The following TRPM3 variants were observed in gnomAD, a reference collection of about 807,000 sequenced individuals.
TRPM3 encodes transient receptor potential cation channel subfamily M member 3, also known as long transient receptor potential channel 3.
A neutral mutation model predicts 181.2 loss-of-function variants in TRPM3; 77 were observed. That is an observed-to-expected ratio of 0.42 (90% CI 0.35 to 0.51). The LOEUF (loss-of-function observed/expected upper bound fraction) is 0.51, where lower values mean the gene tolerates loss of function less well. Among genes scored for constraint, TRPM3 ranks in the 20% least tolerant of loss-of-function variants. TRPM3 has a pLI of 0.01. For missense variants in TRPM3, 1,759 were observed against 2,196.7 expected, an observed-to-expected ratio of 0.80 and a Z score of 3.98; for synonymous variants, 745 against 796.4, an observed-to-expected ratio of 0.94 and a Z score of 1.09.
chr9:70,789,323 A>C (rs917667428), intron 6 of TRPM3, among the ~76,000 whole-genome samples: 29 of 152,210 alleles, frequency 1.9e-4, no homozygotes, highest in African/African-American at 7.0e-4. Context: ...ATGCTCATAA[A>C]GAAACTGATG....
At chr9:70,662,837 C>T (rs1196117756) in intron 9 of TRPM3, among the ~76,000 whole-genome samples, 1 of 152,052 alleles carries the variant, frequency 6.6e-6, no homozygotes, top group Non-Finnish European at 1.5e-5. Context: ...TATGTGGATT[C>T]CTTAAAGAAC....
intron 1 of TRPM3, among the ~76,000 whole-genome samples, chr9:71,073,814 A>T (rs1163174862): frequency 6.6e-6 from 1 of 152,226 alleles, no homozygotes; most frequent in African/African-American, 2.4e-5. Context: ...AATGTCAAGA[A>T]AAGAATGCTG....
chr9:71,265,925 T>A (rs2083365102), intron 1 of TRPM3, among the ~76,000 whole-genome samples: 1 of 152,226 alleles, frequency 6.6e-6, no homozygotes, highest in Non-Finnish European at 1.5e-5. Context: ...ATCAATGACA[T>A]CACATTCTGA....
intron 1 of TRPM3, among the ~76,000 whole-genome samples, chr9:71,212,728 G>A (rs1049216547): frequency 9.9e-5 from 15 of 152,156 alleles, no homozygotes; most frequent in African/African-American, 3.6e-4. Context: ...GTAATTGTCA[G>A]CGGAAGATTT....
chr9:71,437,488 C>A (rs935129166), intron 1 of TRPM3, among the ~76,000 whole-genome samples: 2 of 152,052 alleles, frequency 1.3e-5, no homozygotes, highest in African/African-American at 4.8e-5. Context: ...ACAGCCATGA[C>A]CATTTATTTA....
rs1588754344 is a variant in TRPM3, at chr9:71,381,381, T to A, written c.183+65272A>T. On this transcript the variant is annotated intron_variant, in intron 1 of 24. Coordinates refer to the TRPM3 transcript ENST00000357533. ...TATCACTGGGGACCAACTAGTCTAA[T>A]GGGAAATAAGATTCCCTAAGTAGGG... Among the ~76,000 whole-genome samples the A allele has an allele frequency of 2.0e-5, 3 of 152,232 alleles. No homozygotes were observed. The South Asian group carries it at 6.2e-4, about 32-fold the overall frequency.
intron 1 of TRPM3, among the ~76,000 whole-genome samples, chr9:71,224,772 C>T (rs1162057469): frequency 1.3e-5 from 2 of 151,538 alleles, no homozygotes; most frequent in Non-Finnish European, 2.9e-5. Context: ...GAGCAAGACC[C>T]TGTCTCTAAA....
intron 1 of TRPM3, among the ~76,000 whole-genome samples, chr9:71,221,367 A>G (rs998128902): frequency 1.3e-5 from 2 of 152,264 alleles, no homozygotes; most frequent in African/African-American, 4.8e-5. Flanking sequence ...GTTATGAAAT[A>G]TATGCATCAC....
At chr9:70,890,571 T>C (rs977741337) in intron 1 of TRPM3, among the ~76,000 whole-genome samples, 4 of 152,056 alleles carry the variant, frequency 2.6e-5, no homozygotes, top group African/African-American at 4.8e-5. Flanking sequence ...TTCTACAGGC[T>C]TCCAGACAGA....
intron 1 of TRPM3, among the ~76,000 whole-genome samples, chr9:70,888,647 C>T (rs1451992959): frequency 1.3e-5 from 2 of 152,064 alleles, no homozygotes; most frequent in Non-Finnish European, 2.9e-5. Context: ...GTATCATATC[C>T]TCTTCCTGAG....
chr9:70,860,049 G>T (rs966916103), intron 3 of TRPM3, among the ~76,000 whole-genome samples: 2 of 152,074 alleles, frequency 1.3e-5, no homozygotes, highest in Non-Finnish European at 2.9e-5. Flanking sequence ...ACACATCTTT[G>T]GACTCCTGGG....
chr9:70,746,054 G>A lies in TRPM3; in HGVS notation c.1272+15547C>T, dbSNP rs568435907. On this transcript the variant is annotated intron_variant, in intron 8 of 25. Transcript: ENST00000677713. ...GTGCCAACATTCTTTACACATCAGA[G>A]TTAAATACTTAGCTCTCCCAGCAAC... Among the ~76,000 whole-genome samples the A allele has an allele frequency of 2.0e-5, 3 of 152,268 alleles. No individual in the cohort carries two copies. The South Asian group carries it at 6.2e-4, about 32-fold the overall frequency.
At chr9:71,077,132 A>C (rs536960269) in intron 1 of TRPM3, among the ~76,000 whole-genome samples, 6 of 152,296 alleles carry the variant, frequency 3.9e-5, no homozygotes, top group African/African-American at 1.4e-4. Context: ...CAACCAAATA[A>C]ATTCATACAC....
At chr9:70,776,876 A>G (rs975948031) in intron 7 of TRPM3, among the ~76,000 whole-genome samples, 6 of 152,204 alleles carry the variant, frequency 3.9e-5, no homozygotes, top group Non-Finnish European at 7.4e-5. Context: ...GCCACTCTCA[A>G]TGGAATCACC....
intron 1 of TRPM3, among the ~76,000 whole-genome samples, chr9:70,869,267 T>C (rs917035638): frequency 2.6e-5 from 4 of 151,868 alleles, no homozygotes; most frequent in South Asian, 4.2e-4. Context: ...TTTGAACATC[T>C]AATCTGACGC....
At chr9:70,656,193 C>A (rs546389136) in intron 9 of TRPM3, among the ~76,000 whole-genome samples, 1 of 152,278 alleles carries the variant, frequency 6.6e-6, no homozygotes, top group South Asian at 2.1e-4. Context: ...CAATTTTATA[C>A]TAATTCCTGC....
At chr9:71,309,718 A>T (rs899639803) in intron 1 of TRPM3, among the ~76,000 whole-genome samples, 1 of 152,172 alleles carries the variant, frequency 6.6e-6, no homozygotes, top group Non-Finnish European at 1.5e-5. Context: ...TTAGAATGAC[A>T]TAATTTCTGC....
chr9:70,837,132 C>A (rs1047937133), intron 5 of TRPM3, among the ~76,000 whole-genome samples: 4 of 152,234 alleles, frequency 2.6e-5, no homozygotes, highest in South Asian at 2.1e-4. Flanking sequence ...CTAATCTAAT[C>A]GTAAAAATCC....
At chr9:70,879,145 C>T (rs565635584) in intron 1 of TRPM3, among the ~76,000 whole-genome samples, 1 of 152,106 alleles carries the variant, frequency 6.6e-6, no homozygotes, top group East Asian at 1.9e-4. Flanking sequence ...CAATGTGATG[C>T]AGCTGGAAGG....
Sources: gnomAD v4.1 joint callset for allele counts (sites outside exome capture counted in the v4.1 genomes callset) on GRCh38, gnomAD v4.1.1 for gene constraint, MANE v1.5 for transcripts, NCBI Gene and HGNC (gene_info 2026-07-23, HGNC 2026-07-21) for gene names.